KCNMA1: variants seen among roughly 807,000 people sequenced by gnomAD.
KCNMA1 encodes the protein potassium calcium-activated channel subfamily M alpha 1, also known as Calcium-activated potassium channel subunit alpha-1.
KCNMA1 carries 29 observed loss-of-function variants against 140.0 expected under a neutral mutation model. The observed-to-expected ratio is 0.21, with a 90% CI of 0.15 to 0.28. The LOEUF (loss-of-function observed/expected upper bound fraction) is 0.28. KCNMA1 is among the 10% of genes least tolerant of loss of function. The probability of loss-of-function intolerance (pLI) is 1.00; values close to 1 mark genes in which losing one functional copy is unlikely to be tolerated. For synonymous variants in KCNMA1, 612 were observed against 611.9 expected (o/e 1.00, Z 0.00); for missense variants, 880 against 1,602.2 (o/e 0.55, Z 7.70).
rs570555233 is a variant in KCNMA1 at position 76,885,464 on chromosome 10, C to T, written c.*1802G>A. The stretch of plus-strand genomic sequence containing the variant: ...GTTCTGACTGAGCCTCACCATTTGT[C>T]AGTAAAAGTGCTTGTCAATTCACAC... On this transcript the variant is annotated 3_prime_UTR_variant, in exon 28 of 28. Coordinates refer to ENST00000286628, the MANE Select transcript of KCNMA1 (RefSeq NM_001161352.2). The T allele has an allele frequency of 2.0e-6, 2 of 985,166 alleles. No individual in the cohort carries two copies. The highest frequency in any genetic ancestry group is 3.5e-5 in the African/African-American group (2 of 57,248). 61.0% of individuals were successfully genotyped at this position (985,166 alleles called of 1,614,324 possible). A position where few individuals can be genotyped will look rare whatever the true frequency, so the allele number is the denominator to read the frequency against.
chr10:76,943,863 T>C (rs2063235074), intron 23 of KCNMA1, among the ~76,000 whole-genome samples: 1 of 152,188 alleles, frequency 6.6e-6, no homozygotes, highest in South Asian at 2.1e-4. Context: ...CTTGCCAAGC[T>C]ATCAATAAGG....
chr10:77,273,776 C>A (rs1200418092), intron 2 of KCNMA1, among the ~76,000 whole-genome samples: 1 of 152,100 alleles, frequency 6.6e-6, no homozygotes, highest in Non-Finnish European at 1.5e-5. Context: ...CCTGTAAGTT[C>A]ATTTATTCCA....
chr10:77,276,182 T>C (rs1297899042), intron 2 of KCNMA1, among the ~76,000 whole-genome samples: 2 of 152,194 alleles, frequency 1.3e-5, no homozygotes, highest in South Asian at 4.1e-4. Context: ...TTCATGTAAT[T>C]TGATGATCAC....
intron 14 of KCNMA1, among the ~76,000 whole-genome samples, chr10:77,052,747 C>T (rs1397739488): frequency 6.6e-6 from 1 of 152,078 alleles, no homozygotes; most frequent in Non-Finnish European, 1.5e-5. Flanking sequence ...TCAGAGTCTT[C>T]AGCTACTGAC....
intron 1 of KCNMA1, among the ~76,000 whole-genome samples, chr10:77,454,685 T>C (rs1379251528): frequency 6.6e-6 from 1 of 152,196 alleles, no homozygotes; most frequent in Non-Finnish European, 1.5e-5. Context: ...TGCCCTCACA[T>C]TTTCCTTCTT....
At chr10:76,981,878 C>T (rs889257454) in intron 19 of KCNMA1, among the ~76,000 whole-genome samples, 3 of 152,204 alleles carry the variant, frequency 2.0e-5, no homozygotes, top group African/African-American at 7.2e-5. Context: ...TCTCACAATG[C>T]TGGGCCCTGA....
intron 1 of KCNMA1, among the ~76,000 whole-genome samples, chr10:77,576,502 T>A (rs1016516487): frequency 1.3e-5 from 2 of 150,932 alleles, no homozygotes; most frequent in South Asian, 4.2e-4. Flanking sequence ...CAGCACTTGA[T>A]GGGGCAGTAC....
intron 1 of KCNMA1, among the ~76,000 whole-genome samples, chr10:77,548,757 C>G (rs1024255916): frequency 2.6e-5 from 4 of 152,192 alleles, no homozygotes; most frequent in African/African-American, 9.7e-5. Context: ...CTTTCTTCTT[C>G]TGTCAAATGG....
intron 1 of KCNMA1, among the ~76,000 whole-genome samples, chr10:77,510,921 A>G (rs1430685511): frequency 6.6e-6 from 1 of 152,254 alleles, no homozygotes; most frequent in African/African-American, 2.4e-5. Context: ...CATGGAAATA[A>G]CATATCTCCA....
chr10:77,136,656 T>C (rs1390018933), intron 5 of KCNMA1, among the ~76,000 whole-genome samples: 1 of 149,848 alleles, frequency 6.7e-6, no homozygotes, highest in Non-Finnish European at 1.5e-5. Flanking sequence ...ATGAAAACTA[T>C]AGGTATGTGT....
At chr10:77,538,712 C>T (rs1243322495) in intron 1 of KCNMA1, among the ~76,000 whole-genome samples, 2 of 151,972 alleles carry the variant, frequency 1.3e-5, no homozygotes, top group Non-Finnish European at 2.9e-5. Flanking sequence ...GGTCCCTCTG[C>T]CACAGACTCC....
chr10:77,324,228 G>T (rs540062398), intron 2 of KCNMA1, among the ~76,000 whole-genome samples: 2 of 152,282 alleles, frequency 1.3e-5, no homozygotes, highest in East Asian at 3.9e-4. Context: ...TAGTGGAGTG[G>T]CCACTCCAGG....
At chr10:76,933,162 G>A (rs1273456196) in intron 23 of KCNMA1, among the ~76,000 whole-genome samples, 1 of 152,202 alleles carries the variant, frequency 6.6e-6, no homozygotes, top group Non-Finnish European at 1.5e-5. Context: ...ATCCTGGAGG[G>A]AAAGTGTAGG....
chr10:77,427,943 G>A (rs1230494656), intron 1 of KCNMA1, among the ~76,000 whole-genome samples: 1 of 151,948 alleles, frequency 6.6e-6, no homozygotes, highest in Non-Finnish European at 1.5e-5. Flanking sequence ...AGTAGAGACA[G>A]GGTTTCACCA....
At chr10:76,976,250 A>G (rs2077477292) in intron 19 of KCNMA1, among the ~76,000 whole-genome samples, 1 of 152,152 alleles carries the variant, frequency 6.6e-6, no homozygotes, top group African/African-American at 2.4e-5. Flanking sequence ...GAGCTTTTGC[A>G]TTTCTGGCTT....
intron 1 of KCNMA1, among the ~76,000 whole-genome samples, chr10:77,601,363 A>G (rs117689566): frequency 6.6e-6 from 1 of 152,326 alleles, no homozygotes; most frequent in East Asian, 1.9e-4. Context: ...CGGAGATACA[A>G]TTGAACCTAT....
chr10:77,547,502 C>A (rs987453303), intron 1 of KCNMA1, among the ~76,000 whole-genome samples: 13 of 152,178 alleles, frequency 8.5e-5, no homozygotes, highest in African/African-American at 3.1e-4. Context: ...TTTACAGTAA[C>A]CCAAACTCAC....
intron 3 of KCNMA1, among the ~76,000 whole-genome samples, chr10:77,233,876 A>G (rs2616655): frequency 6.6e-6 from 1 of 151,876 alleles, no homozygotes; most frequent in Non-Finnish European, 1.5e-5. Flanking sequence ...AGTTAGCCCC[A>G]CTTTGTTCAG....
chr10:77,028,324 C>G (rs1338660450), intron 15 of KCNMA1, among the ~76,000 whole-genome samples: 1 of 152,084 alleles, frequency 6.6e-6, no homozygotes. Flanking sequence ...CGAGCAGACC[C>G]CTGTGTGCTT....
Sources: allele counts gnomAD v4.1 joint callset (sites outside exome capture counted in the v4.1 genomes callset), GRCh38; gene constraint gnomAD v4.1.1; transcripts MANE v1.5; gene names NCBI Gene and HGNC (gene_info 2026-07-23, HGNC 2026-07-21).